DCAF6: variants seen among roughly 807,000 people sequenced by gnomAD.
DCAF6 encodes the protein DDB1- and CUL4-associated factor 6.
A neutral mutation model predicts 125.1 loss-of-function variants in DCAF6; 54 were observed. The ratio of observed to expected loss-of-function variants is 0.43; its 90% CI spans 0.35 to 0.54. The LOEUF is 0.54. Among genes scored for constraint, DCAF6 ranks in the 20% least tolerant of loss-of-function variants. The pLI, the probability that DCAF6 is intolerant of heterozygous loss-of-function variation, is 0.01. For missense variants in DCAF6, 934 were observed against 1,161.7 expected (o/e 0.80, Z 2.85); for synonymous variants, 371 against 390.4 (o/e 0.95, Z 0.58).
intron 10 of DCAF6, among the ~76,000 whole-genome samples, chr1:168,007,081 G>A (rs1364973289): frequency 6.6e-6 from 1 of 151,818 alleles, no homozygotes; most frequent in Non-Finnish European, 1.5e-5. Context: ...CTTCATCCCC[G>A]CCCCACTTCC....
chr1:168,044,312 C>G (rs982029239), intron 14 of DCAF6, among the ~76,000 whole-genome samples: 7 of 152,074 alleles, frequency 4.6e-5, no homozygotes, highest in Admixed American at 2.0e-4. Context: ...GAAATACTCC[C>G]TCCCAAAATA....
chr1:167,920,780 CA>C, the DCAF6 span: 5,231 of 780,804 alleles, frequency 6.7e-3, 114 homozygotes, highest in African/African-American at 0.052. Flanking sequence ...TAGATTACAA[CA>C]AAAAAAAAGC....
chr1:168,044,653 G>C lies in DCAF6; in HGVS notation c.1912G>C (p.Glu638Gln). The C allele has an allele frequency of 6.2e-7, 1 of 1,612,074 alleles. No individual in the cohort carries two copies. Among genetic ancestry groups the C allele is most frequent in the Non-Finnish European group, 8.5e-7 (1 of 1,178,316 alleles). The stretch of plus-strand genomic sequence containing the variant: ...AGGAGTATCTGCAGAAAACCCAGTT[G>C]AGAACCATATCAATATAAGTGAGTT... ...QEGVSAENPV[E>Q]NHINITQSDK... Residue 638 changes from glutamate to glutamine, a missense_variant, in exon 15 of 22, where the codon GAG (glutamate) becomes CAG (glutamine). Transcript: ENST00000367840.
intron 4 of DCAF6, among the ~76,000 whole-genome samples, chr1:167,981,466 G>C (rs947755749): frequency 2.6e-5 from 4 of 152,098 alleles, no homozygotes; most frequent in African/African-American, 9.7e-5. Context: ...GGGTACAAAT[G>C]ATCCTGTTAC....
intron 1 of DCAF6, among the ~76,000 whole-genome samples, chr1:167,942,095 C>T (rs910041935): frequency 4.6e-5 from 7 of 152,066 alleles, no homozygotes; most frequent in Non-Finnish European, 5.9e-5. Context: ...GACGGAGTTT[C>T]GCTCTTGTCG....
intron 18 of DCAF6, among the ~76,000 whole-genome samples, chr1:168,065,279 A>G (rs574338052): frequency 6.6e-6 from 1 of 151,952 alleles, no homozygotes; most frequent in East Asian, 1.9e-4. Context: ...ATGAATGCCT[A>G]TCATAATTTA....
At chr1:167,933,059 C>T (rs1670956835), upstream of DCAF6, among the ~76,000 whole-genome samples, 3 of 152,112 alleles carry the variant, frequency 2.0e-5, no homozygotes, top group South Asian at 6.2e-4. Context: ...TCATGACATG[C>T]CAGCAAAAAC....
At chr1:167,974,799 T>TA (rs1472478772) in intron 3 of DCAF6, 31 bp from the exon 4 acceptor site, 2 of 1,441,292 alleles carry the variant, frequency 1.4e-6, no homozygotes, top group African/African-American at 2.9e-5. Flanking sequence ...AATAATAAGT[T>TA]ACCATTAACT....
upstream of DCAF6, chr1:167,935,727 C>T: frequency 6.4e-7 from 1 of 1,556,312 alleles, no homozygotes; most frequent in Non-Finnish European, 8.7e-7. Flanking sequence ...ATTCAGGGTC[C>T]ATTACCTGCT....
At chr1:167,929,832 A>C in the DCAF6 span, among the ~76,000 whole-genome samples, 1 of 152,182 alleles carries the variant, frequency 6.6e-6, no homozygotes, top group African/African-American at 2.4e-5. Context: ...TGAAAAATAA[A>C]GTTTCTTACT....
the DCAF6 span, among the ~76,000 whole-genome samples, chr1:167,879,119 G>A: frequency 4.4e-4 from 67 of 152,330 alleles, no homozygotes; most frequent in African/African-American, 1.5e-3. Flanking sequence ...ATGGAGGATT[G>A]AAGCACAGGC....
chr1:168,008,298 C>A (rs1683648288), intron 10 of DCAF6, among the ~76,000 whole-genome samples: 1 of 152,062 alleles, frequency 6.6e-6, no homozygotes, highest in Non-Finnish European at 1.5e-5. Context: ...TCTACATGTT[C>A]AAACTAAAAC....
chr1:167,919,540 G>A, the DCAF6 span, among the ~76,000 whole-genome samples: 4 of 152,100 alleles, frequency 2.6e-5, no homozygotes, highest in Admixed American at 6.6e-5. Context: ...CTCACTCTAC[G>A]TATCATTTCC....
intron 2 of DCAF6, among the ~76,000 whole-genome samples, chr1:167,957,378 C>T (rs1363419041): frequency 1.3e-5 from 2 of 152,054 alleles, no homozygotes; most frequent in African/African-American, 4.8e-5. Context: ...TGTAAGGGTT[C>T]TTTCACTTAG....
chr1:167,998,347 G>A (rs1464891306), intron 7 of DCAF6, among the ~76,000 whole-genome samples: 1 of 152,076 alleles, frequency 6.6e-6, no homozygotes, highest in Non-Finnish European at 1.5e-5. Context: ...GCTGGTGGAG[G>A]GGCTTACCTT....
Position 168,038,395 on chromosome 1 carries a change from C to G in DCAF6, c.1634C>G (p.Pro545Arg). 1 of 1,611,312 alleles carries G rather than the reference C, an allele frequency of 6.2e-7. No individual in the cohort carries two copies. The highest frequency in any genetic ancestry group is 1.7e-5 in the Admixed American group (1 of 59,608). Residue 545 changes from proline (P) to arginine (R), a missense_variant, in exon 13 of 22, where the codon CCC becomes CGC. Around this residue, in one of 5 missense-constraint regions of DCAF6, gnomAD observed 559 missense variants for 635.5 expected, o/e 0.88. Coordinates refer to ENST00000367840, the MANE Select transcript of DCAF6 (RefSeq NM_001198956.2). Reference protein sequence around the residue: ...QQDNNNEKLSPKPGTGEPVLS... With the variant: ...QQDNNNEKLSRKPGTGEPVLS... ...GATAACAATAATGAAAAGCTGAGCCCCAAACCAGGGACAGGTGAACCAGTT... is the reference window on the plus strand; with the variant it reads ...GATAACAATAATGAAAAGCTGAGCCGCAAACCAGGGACAGGTGAACCAGTT...
chr1:167,912,087 A>G, the DCAF6 span, among the ~76,000 whole-genome samples: 1 of 152,338 alleles, frequency 6.6e-6, no homozygotes, highest in South Asian at 2.1e-4. Context: ...AACATCACAA[A>G]ATGATTAGTG....
chr1:167,931,844 ATTTAG>A (rs1308903956), upstream of DCAF6, among the ~76,000 whole-genome samples: 1 of 152,296 alleles, frequency 6.6e-6, no homozygotes, highest in African/African-American at 2.4e-5. Flanking sequence ...ACATTGGTTC[ATTTAG>A]TTTATTTTTA....
At chr1:167,877,231 T>C in the DCAF6 span, among the ~76,000 whole-genome samples, 1 of 149,968 alleles carries the variant, frequency 6.7e-6, no homozygotes, top group East Asian at 2.0e-4. Context: ...GAAATTATAA[T>C]AGTTTCTATC....
Sources: allele counts gnomAD v4.1 joint callset (sites outside exome capture counted in the v4.1 genomes callset), GRCh38; gene constraint gnomAD v4.1.1; regional missense constraint gnomAD v4.1.1; transcripts MANE v1.5; gene names NCBI Gene and HGNC (gene_info 2026-07-23, HGNC 2026-07-21).